HEPH: variants seen among roughly 807,000 people sequenced by gnomAD.
HEPH encodes hephaestin.
A neutral mutation model predicts 80.8 loss-of-function variants in HEPH; 69 were observed. The observed-to-expected ratio is 0.85, with a 90% confidence interval of 0.70 to 1.04. HEPH has a LOEUF of 1.04. Among genes scored for constraint, HEPH ranks in the 50% least tolerant of loss-of-function variants. HEPH has a pLI of 0.00. For missense variants in HEPH, 1,115 were observed against 891.3 expected, an observed-to-expected ratio of 1.25 and a Z score of -3.20; for synonymous variants, 431 against 322.8, an observed-to-expected ratio of 1.34 and a Z score of -3.60.
intron 15 of HEPH, among the ~76,000 whole-genome samples, chrX:66,236,825 A>AT (rs897340468): frequency 5.4e-5 from 6 of 110,390 alleles, no homozygotes; most frequent in African/African-American, 1.6e-4. Context: ...CAGAAATTTA[A>AT]TTTTTTCCTG....
chrX:66,203,432 T>A lies in HEPH; in HGVS notation c.2146T>A (p.Ser716Thr). 8.3e-7 allele frequency: 1 copy of A among 1,210,277 alleles called. No individual in the cohort carries two copies. The highest frequency in any genetic ancestry group is 1.1e-6 in the Non-Finnish European group (1 of 895,097). ...AGGGATGAGGGCAATCTATAATGTC[T>A]CCCAGTGTCCTGGCCACCAAGCCAC... is the stretch of plus-strand genomic sequence containing the variant. ...EAGMRAIYNVSQCPGHQATPR... is the reference protein window; with the variant it reads ...EAGMRAIYNVTQCPGHQATPR... The change falls in exon 13 of 21, where the codon TCC becomes ACC. Residue 716 changes from serine (S) to threonine (T), a missense_variant. Physicochemically the swap from Ser to Thr is moderately conservative, Grantham distance 58. Transcript: ENST00000343002.
chrX:66,244,071 G>A (rs2090711197), intron 15 of HEPH, among the ~76,000 whole-genome samples: 1 of 111,632 alleles, frequency 9.0e-6, no homozygotes, highest in African/African-American at 3.3e-5. Context: ...TCCTTTGTAG[G>A]TGACCTGCCC....
At chrX:66,268,373 C>T (rs750306688), downstream of HEPH, 1 of 112,061 alleles carries the variant, frequency 8.9e-6, no homozygotes, top group African/African-American at 3.2e-5. Context: ...TATGATTCCT[C>T]TTGTTTTTCC....
rs564502033 is a variant in HEPH, at chrX:66,244,035, G to T, written c.2564-11000G>T. 9.6e-4 allele frequency among the ~76,000 whole-genome samples: 107 copies of T among 112,027 alleles called. 1 individual carries two copies. The South Asian group carries it at 0.038, about 40-fold the overall frequency. On this transcript the variant is annotated intron_variant, in intron 15 of 20. Coordinates refer to ENST00000343002, the MANE Select transcript of HEPH (RefSeq NM_001367233.3). ...TTCTGCCTTGTAGAGTTTCTGCTGA[G>T]AAGTACACTGTTAGCCCAATGGGGT...
rs200256028 is a variant in HEPH at position 66,258,800 on chromosome X, TTTTTC to T, written c.2897-15_2897-11del. 887 of 1,047,466 alleles carry T rather than the reference TTTTTC, an allele frequency of 8.5e-4. 6 individuals are homozygous for T. The East Asian group carries it at 0.016, about 19-fold the overall frequency. The allele number at this position is 1,047,466 out of a possible 1,213,427, so 86.3% of individuals were successfully genotyped here. ...AGTCCAAAGGAGAGATGTAAGAAGC[TTTTTC>T]TTTTCTTTTCTTTTCTTTTCTTTTT... On this transcript the variant is annotated intron_variant, in intron 17 of 20. Transcript: ENST00000343002.
chrX:66,172,399 G>A lies in HEPH; in HGVS notation c.212G>A (p.Gly71Glu). The A allele has an allele frequency of 2.5e-6, 3 of 1,197,436 alleles. No homozygotes were observed. Among genetic ancestry groups the A allele is most frequent in the Non-Finnish European group, 3.4e-6 (3 of 887,672 alleles). Reference sequence around the variant, plus strand: ...AAGTCTGACAAGAACCGGATAGGGGGAACCTACAAGAAGACCATCTATAAA... The same window carrying A: ...AAGTCTGACAAGAACCGGATAGGGGAAACCTACAAGAAGACCATCTATAAA... ...FLKSDKNRIG[G>E]TYKKTIYKEY... Residue 71 changes from glycine to glutamate, a missense_variant, in exon 3 of 21, where the codon GGA becomes GAA. Gly to Glu is a moderately conservative substitution (Grantham distance 98). Around this residue, in one of 3 missense-constraint regions of HEPH, gnomAD observed 391 missense variants for 343.6 expected, o/e 1.14. Transcript: ENST00000343002.
At position 66,197,646 on chromosome X, in the gene HEPH, G is replaced by A. The variant is rs372911897; in HGVS notation, c.1502-37G>A. Reference sequence around the variant, plus strand: ...TTTGGAGCTGATGATTCTCATTCTAGTCAATCTAAGTAATGAGTCCCATAT... The same window carrying A: ...TTTGGAGCTGATGATTCTCATTCTAATCAATCTAAGTAATGAGTCCCATAT... On this transcript the variant is annotated intron_variant, in intron 9 of 20. Transcript: ENST00000343002. 7.4e-6 allele frequency: 8 copies of A among 1,087,190 alleles called. No homozygotes were observed. In the African/African-American group the frequency reaches 1.5e-4, roughly 20 times the overall value. The allele number at this position is 1,087,190 out of a possible 1,213,427, so 89.6% of individuals were successfully genotyped here. A position where few individuals can be genotyped will look rare whatever the true frequency, so the allele number is the denominator to read the frequency against.
chrX:66,263,631 T>C lies in HEPH; in HGVS notation c.3200-13T>C, dbSNP rs2091435161. ...AATAAGGCTAACCTCTTGTCTTTTT[T>C]CCCCCCAACCAGAACACTTAAGCCC... On this transcript the variant is annotated splice_polypyrimidine_tract_variant and intron_variant, in intron 19 of 20. Coordinates refer to ENST00000343002, the MANE Select transcript of HEPH (RefSeq NM_001367233.3). The C allele has an allele frequency of 6.6e-6, 8 of 1,207,033 alleles. No homozygotes were observed. The highest frequency in any genetic ancestry group is 1.8e-5 in the South Asian group (1 of 56,634).
At chrX:66,230,189 G>T in intron 15 of HEPH, among the ~76,000 whole-genome samples, 1 of 85,004 alleles carries the variant, frequency 1.2e-5, no homozygotes, top group Non-Finnish European at 2.3e-5. Flanking sequence ...TGGACATTTG[G>T]GTTGGTTCCA....
At chrX:66,253,814 A>G (rs2091082904) in intron 15 of HEPH, among the ~76,000 whole-genome samples, 1 of 112,018 alleles carries the variant, frequency 8.9e-6, no homozygotes, top group Admixed American at 9.5e-5. Flanking sequence ...ATGAAAACAT[A>G]TTAAATAAAA....
In HEPH at chrX:66,258,938, C is replaced by G; in HGVS notation, c.2995C>G (p.Leu999Val). The G allele has an allele frequency of 8.3e-7, 1 of 1,203,138 alleles. No individual in the cohort carries two copies. The change falls in exon 18 of 21, where the codon CTA (leucine) becomes GTA (valine). Residue 999 changes from leucine (L) to valine (V), a missense_variant. Leu to Val is a conservative substitution (Grantham distance 32). Transcript: ENST00000343002. The part of the protein sequence containing the change: ...YMLAMGQDVD[L>V]HTIHFHAESF... ...GCTGGCCATGGGCCAAGATGTGGAT[C>G]TACACACCATCCACTTTCATGCAGA...
intron 20 of HEPH, among the ~76,000 whole-genome samples, chrX:66,264,067 G>A (rs758958714): frequency 9.1e-6 from 1 of 109,954 alleles, no homozygotes; most frequent in Non-Finnish European, 1.9e-5. Context: ...AAGGTATACA[G>A]AATGGCATAA....
intron 4 of HEPH, among the ~76,000 whole-genome samples, chrX:66,187,104 A>C (rs1373361953): frequency 1.1e-5 from 1 of 91,868 alleles, no homozygotes; most frequent in Non-Finnish European, 2.3e-5. Flanking sequence ...ATGCTATGCT[A>C]TCTATTTCCT....
At chrX:66,210,875 G>A (rs923125327) in intron 15 of HEPH, among the ~76,000 whole-genome samples, 6 of 111,566 alleles carry the variant, frequency 5.4e-5, no homozygotes, top group African/African-American at 1.9e-4. Flanking sequence ...GAAAATAAAT[G>A]CAGGAAGCAG....
chrX:66,251,869 G>T (rs756543857), intron 15 of HEPH, among the ~76,000 whole-genome samples: 1 of 112,014 alleles, frequency 8.9e-6, no homozygotes, highest in African/African-American at 3.2e-5. Context: ...GTAGAGTCTC[G>T]CAAGCCATGG....
chrX:66,193,763 A>G, intron 8 of HEPH, 125 bp downstream of exon 8: 1 of 430,341 alleles, frequency 2.3e-6, no homozygotes, highest in Non-Finnish European at 3.8e-6. Context: ...AGTGAGTCTT[A>G]TGAGATGATT....
At chrX:66,168,836 C>T (rs57349482) in intron 1 of HEPH, among the ~76,000 whole-genome samples, 30,348 of 110,732 alleles carry the variant, frequency 0.27, 3,601 homozygotes, top group African/African-American at 0.46. Context: ...TAGCCATTAT[C>T]ATCATTATCA....
chrX:66,189,597 A>G, intron 5 of HEPH, 87 bp from the exon 6 acceptor site: 1 of 984,573 alleles, frequency 1.0e-6, no homozygotes, highest in Non-Finnish European at 1.4e-6. Flanking sequence ...TCATTTAAAT[A>G]TTATCTATTA....
intron 2 of HEPH, chrX:66,171,385 G>A (rs770524584): frequency 2.7e-5 from 4 of 148,613 alleles, no homozygotes; most frequent in Non-Finnish European, 3.9e-5. Flanking sequence ...CCTCGATAAT[G>A]AGAATGTAAA....
Sources: gnomAD v4.1 joint callset for allele counts (sites outside exome capture counted in the v4.1 genomes callset) on GRCh38, gnomAD v4.1.1 for gene constraint, gnomAD v4.1.1 regional missense constraint, MANE v1.5 for transcripts, NCBI Gene and HGNC (gene_info 2026-07-23, HGNC 2026-07-21) for gene names.